LIMS1: variants seen among roughly 807,000 people sequenced by gnomAD.
LIMS1 encodes LIM zinc finger domain containing 1, also known as LIM and senescent cell antigen-like-containing domain protein 1.
In LIMS1, 18 loss-of-function variants were observed where a neutral mutation model predicts 44.1. The ratio of observed to expected loss-of-function variants is 0.41; its 90% CI spans 0.28 to 0.61. LIMS1 has a LOEUF of 0.61. Ranked by LOEUF, LIMS1 falls within the 20% of genes least tolerant of loss-of-function variation. LIMS1 has a pLI of 0.32. For missense variants in LIMS1, 201 were observed against 422.0 expected, an observed-to-expected ratio of 0.48 and a Z score of 4.59; for synonymous variants, 93 against 149.1, an observed-to-expected ratio of 0.62 and a Z score of 2.74.
intron 1 of LIMS1, among the ~76,000 whole-genome samples, chr2:108,535,395 A>G (rs1440465847): frequency 6.6e-6 from 1 of 152,248 alleles, no homozygotes; most frequent in Non-Finnish European, 1.5e-5. Flanking sequence ...CGGACTTTTC[A>G]CACAGTTTCG....
At chr2:108,600,931 CTCT>C (rs367791795) in intron 1 of LIMS1, among the ~76,000 whole-genome samples, 9 of 135,038 alleles carry the variant, frequency 6.7e-5, no homozygotes, top group African/African-American at 2.4e-4. Context: ...CTCTTCTCTT[CTCT>C]TTTTTCTTCA....
chr2:108,679,867 G>A (rs1465121807), intron 8 of LIMS1, among the ~76,000 whole-genome samples: 1 of 151,790 alleles, frequency 6.6e-6, no homozygotes, highest in African/African-American at 2.4e-5. Context: ...TCGCACCACT[G>A]CAATACAGCC....
chr2:108,680,111 TTGTAATCCCAGCACTCTGG>T (rs1316284625), intron 8 of LIMS1, among the ~76,000 whole-genome samples: 1 of 151,554 alleles, frequency 6.6e-6, no homozygotes, highest in Non-Finnish European at 1.5e-5. Context: ...TGGCTCACGC[TTGTAATCCCAGCACTCTGG>T]GAGGCCAAGA....
At chr2:108,571,902 C>T (rs1474621317) in intron 1 of LIMS1, among the ~76,000 whole-genome samples, 1 of 152,196 alleles carries the variant, frequency 6.6e-6, no homozygotes, top group Non-Finnish European at 1.5e-5. Flanking sequence ...GCTGCTCTTC[C>T]AGAGCTCAAC....
intron 1 of LIMS1, among the ~76,000 whole-genome samples, chr2:108,551,977 A>G (rs1684757502): frequency 1.4e-5 from 2 of 143,914 alleles, no homozygotes; most frequent in Non-Finnish European, 3.0e-5. Flanking sequence ...ATATATGTAT[A>G]TATATGGAGG....
intron 2 of LIMS1, among the ~76,000 whole-genome samples, chr2:108,661,745 C>T (rs377246169): frequency 6.6e-6 from 1 of 152,124 alleles, no homozygotes; most frequent in Non-Finnish European, 1.5e-5. Flanking sequence ...ACTTCTACCT[C>T]GGCACCATGG....
At chr2:108,631,730 C>A (rs1340044108) in intron 1 of LIMS1, among the ~76,000 whole-genome samples, 1 of 152,152 alleles carries the variant, frequency 6.6e-6, no homozygotes, top group South Asian at 2.1e-4. Context: ...CATCCATGTT[C>A]TGGAGGGTTG....
chr2:108,636,008 T>A (rs114528879), intron 1 of LIMS1, among the ~76,000 whole-genome samples: 1 of 151,860 alleles, frequency 6.6e-6, no homozygotes, highest in Non-Finnish European at 1.5e-5. Context: ...ACAGGAAAGG[T>A]TTAATATAAA....
intron 1 of LIMS1, among the ~76,000 whole-genome samples, chr2:108,583,223 T>C (rs1487200045): frequency 2.2e-5 from 3 of 136,438 alleles, no homozygotes; most frequent in African/African-American, 8.2e-5. Context: ...TTTTTTTTTT[T>C]AGTAGAGAGG....
intron 1 of LIMS1, among the ~76,000 whole-genome samples, chr2:108,603,516 T>TTTTC (rs1553458424): frequency 3.4e-5 from 5 of 148,990 alleles, no homozygotes; most frequent in African/African-American, 9.9e-5. Context: ...TTTTTTTTTT[T>TTTTC]CCACTTGAGA....
chr2:108,638,875 C>T (rs536478334), intron 1 of LIMS1, among the ~76,000 whole-genome samples: 1 of 152,174 alleles, frequency 6.6e-6, no homozygotes, highest in Non-Finnish European at 1.5e-5. Flanking sequence ...AACCCCGTCT[C>T]TACTAAAAAC....
intron 1 of LIMS1, among the ~76,000 whole-genome samples, chr2:108,558,037 C>T (rs1573324416): frequency 1.3e-5 from 2 of 152,118 alleles, no homozygotes; most frequent in Non-Finnish European, 2.9e-5. Context: ...TTCTAGCAAA[C>T]AGACTATTTA....
At chr2:108,580,252 C>CT (rs1450997091) in intron 1 of LIMS1, among the ~76,000 whole-genome samples, 7 of 152,268 alleles carry the variant, frequency 4.6e-5, no homozygotes, top group Admixed American at 3.9e-4. Flanking sequence ...CTTCCTCTAA[C>CT]TGCAGGGTGT....
intron 1 of LIMS1, among the ~76,000 whole-genome samples, chr2:108,593,556 CTTTAA>C (rs1686514975): frequency 6.6e-6 from 1 of 152,180 alleles, no homozygotes; most frequent in African/African-American, 2.4e-5. Context: ...TTACAATAAA[CTTTAA>C]TTTAAGCCAG....
chr2:108,661,655 G>A (rs137981510), intron 2 of LIMS1, among the ~76,000 whole-genome samples: 130 of 152,250 alleles, frequency 8.5e-4, no homozygotes, highest in African/African-American at 3.0e-3. Context: ...TAGGTGCTGC[G>A]GCAGCAAGAA....
intron 1 of LIMS1, among the ~76,000 whole-genome samples, chr2:108,625,069 ACT>A (rs1476671216): frequency 1.3e-5 from 2 of 152,156 alleles, no homozygotes; most frequent in Admixed American, 6.5e-5. Flanking sequence ...ACAGAGTGAG[ACT>A]CTCTCAAACA....
chr2:108,651,079 G>C (rs1178128660), intron 1 of LIMS1, among the ~76,000 whole-genome samples: 2 of 152,258 alleles, frequency 1.3e-5, no homozygotes, highest in South Asian at 4.2e-4. Flanking sequence ...GCTAAAGGAA[G>C]GGCAGCCCAT....
chr2:108,591,170 A>G, intron 1 of LIMS1, among the ~76,000 whole-genome samples: 1 of 152,210 alleles, frequency 6.6e-6, no homozygotes, highest in East Asian at 1.9e-4. Flanking sequence ...ATACCATACG[A>G]AAGGATGTGT....
At chr2:108,640,728 G>A (rs1361549515) in intron 1 of LIMS1, among the ~76,000 whole-genome samples, 1 of 152,202 alleles carries the variant, frequency 6.6e-6, no homozygotes, top group East Asian at 1.9e-4. Flanking sequence ...TAATGCATAA[G>A]GATCAAATCG....
Sources: allele counts gnomAD v4.1 joint callset (sites outside exome capture counted in the v4.1 genomes callset), GRCh38; gene constraint gnomAD v4.1.1; transcripts MANE v1.5; gene names NCBI Gene and HGNC (gene_info 2026-07-23, HGNC 2026-07-21).